Variants in EBF1 observed in about 807,000 individuals in gnomAD.
EBF1 encodes transcription factor COE1.
In EBF1, 10 loss-of-function variants were observed where a neutral mutation model predicts 68.4. The observed-to-expected ratio is 0.15, with a 90% confidence interval of 0.09 to 0.25. EBF1 has a LOEUF of 0.25. Among genes scored for constraint, EBF1 ranks in the 10% least tolerant of loss-of-function variants. The pLI, the probability that EBF1 is intolerant of heterozygous loss-of-function variation, is 1.00. For missense variants in EBF1, 509 were observed against 794.4 expected (o/e 0.64, Z 4.32); for synonymous variants, 298 against 299.8 (o/e 0.99, Z 0.06).
intron 6 of EBF1, among the ~76,000 whole-genome samples, chr5:159,065,566 AC>A (rs768030602): frequency 2.0e-5 from 3 of 152,186 alleles, no homozygotes; most frequent in African/African-American, 7.2e-5. Flanking sequence ...TCCTACCCAC[AC>A]ATGGTATCAA....
chr5:158,827,627 G>A (rs1786474850), intron 7 of EBF1, among the ~76,000 whole-genome samples: 1 of 152,128 alleles, frequency 6.6e-6, no homozygotes, highest in East Asian at 1.9e-4. Context: ...ATGTCAGGCA[G>A]GAGACCTTGT....
intron 6 of EBF1, among the ~76,000 whole-genome samples, chr5:158,869,908 G>A (rs1796586869): frequency 6.6e-6 from 1 of 152,110 alleles, no homozygotes; most frequent in Admixed American, 6.6e-5. Context: ...CTGCTGTTTT[G>A]TTTTGGGGAC....
chr5:158,847,273 G>T (rs1413009862), intron 6 of EBF1, among the ~76,000 whole-genome samples: 5 of 152,136 alleles, frequency 3.3e-5, no homozygotes, highest in Admixed American at 2.0e-4. Context: ...GCCAATGAAA[G>T]AATTTAAAAA....
At chr5:158,721,788 C>CA (rs1761983904) in intron 11 of EBF1, among the ~76,000 whole-genome samples, 6 of 152,234 alleles carry the variant, frequency 3.9e-5, no homozygotes, top group African/African-American at 1.4e-4. Context: ...ATAAAAGAAA[C>CA]ATTACAGCTT....
chr5:158,967,662 G>A (rs1246933930), intron 6 of EBF1, among the ~76,000 whole-genome samples: 4 of 152,180 alleles, frequency 2.6e-5, no homozygotes, highest in Admixed American at 1.3e-4. Context: ...AAAGAACTGC[G>A]TGAGGTGGTT....
intron 11 of EBF1, among the ~76,000 whole-genome samples, chr5:158,726,331 A>C (rs1408921608): frequency 6.6e-6 from 1 of 152,194 alleles, no homozygotes; most frequent in Non-Finnish European, 1.5e-5. Context: ...TAAAAGATGA[A>C]TATAAATGCA....
intron 6 of EBF1, among the ~76,000 whole-genome samples, chr5:158,994,737 T>C (rs1275188420): frequency 2.6e-5 from 4 of 152,194 alleles, no homozygotes; most frequent in African/African-American, 9.6e-5. Flanking sequence ...ATCCCAAACA[T>C]GTCATTACAT....
At chr5:159,082,292 T>C (rs1242087283) in intron 5 of EBF1, among the ~76,000 whole-genome samples, 2 of 152,210 alleles carry the variant, frequency 1.3e-5, no homozygotes, top group Non-Finnish European at 2.9e-5. Context: ...TTAGCTTTGA[T>C]AGAAAGCACT....
At chr5:158,720,060 C>G (rs1761606364) in intron 11 of EBF1, among the ~76,000 whole-genome samples, 1 of 152,084 alleles carries the variant, frequency 6.6e-6, no homozygotes, top group South Asian at 2.1e-4. Context: ...TCAGGGGATT[C>G]AAAATATAGT....
chr5:158,743,247 T>C (rs1766820070), intron 10 of EBF1, among the ~76,000 whole-genome samples: 1 of 152,154 alleles, frequency 6.6e-6, no homozygotes, highest in Non-Finnish European at 1.5e-5. Context: ...TATGGAAAGA[T>C]AAATAGGATT....
At chr5:158,865,324 C>T (rs1444782818) in intron 6 of EBF1, among the ~76,000 whole-genome samples, 1 of 152,160 alleles carries the variant, frequency 6.6e-6, no homozygotes, top group Non-Finnish European at 1.5e-5. Context: ...TAAAAAGGTT[C>T]CAGTCTGGGC....
intron 7 of EBF1, among the ~76,000 whole-genome samples, chr5:158,825,670 C>A (rs1196245643): frequency 1.3e-5 from 2 of 151,792 alleles, no homozygotes; most frequent in African/African-American, 4.8e-5. Context: ...CTTTTCTTGG[C>A]AAGAGAAGAA....
intron 6 of EBF1, among the ~76,000 whole-genome samples, chr5:158,920,811 T>C (rs1358205726): frequency 1.3e-5 from 2 of 152,264 alleles, no homozygotes; most frequent in South Asian, 2.1e-4. Flanking sequence ...CCCTTTTCCT[T>C]TTAGTGCAGG....
chr5:158,780,756 AAAGATT>A (rs1318506655), intron 9 of EBF1, among the ~76,000 whole-genome samples: 1 of 152,182 alleles, frequency 6.6e-6, no homozygotes, highest in Admixed American at 6.6e-5. Flanking sequence ...GGAATAAAAC[AAAGATT>A]AAAAGAGAAA....
At chr5:159,004,277 CAA>C (rs34981790) in intron 6 of EBF1, among the ~76,000 whole-genome samples, 165 of 120,588 alleles carry the variant, frequency 1.4e-3, no homozygotes, top group South Asian at 1.9e-3. Context: ...ACTCCATCTC[CAA>C]AAAAAAAAAA....
intron 6 of EBF1, among the ~76,000 whole-genome samples, chr5:158,987,513 G>A (rs1340089061): frequency 6.6e-6 from 1 of 152,134 alleles, no homozygotes; most frequent in Non-Finnish European, 1.5e-5. Flanking sequence ...GGCAGGGCAG[G>A]GATTACCTTG....
At chr5:158,892,160 C>T (rs1801300797) in intron 6 of EBF1, among the ~76,000 whole-genome samples, 2 of 152,102 alleles carry the variant, frequency 1.3e-5, no homozygotes, top group Admixed American at 1.3e-4. Context: ...ATATTTTACT[C>T]TTCCACCGTT....
At chr5:158,808,891 C>G (rs1782085642) in intron 8 of EBF1, among the ~76,000 whole-genome samples, 1 of 152,178 alleles carries the variant, frequency 6.6e-6, no homozygotes, top group African/African-American at 2.4e-5. Context: ...ATCACCCAAA[C>G]AGTTACTTGC....
chr5:159,065,902 G>A lies in EBF1; in HGVS notation c.554+7494C>T, dbSNP rs144762375. Among the ~76,000 whole-genome samples, 498 of 152,164 alleles carry A rather than the reference G, an allele frequency of 3.3e-3. 2 individuals carry two copies. The highest frequency in any genetic ancestry group is 6.8e-3 in the Middle Eastern group (2 of 294). ...ATGGCCCTTCACTCTGTAGCTTATC[G>A]GGCCTCTGTCAGTCCTTTTTCCCCC... On this transcript the variant is annotated intron_variant, in intron 6 of 15. Transcript: ENST00000313708.
Sources: allele counts gnomAD v4.1 joint callset (sites outside exome capture counted in the v4.1 genomes callset), GRCh38; gene constraint gnomAD v4.1.1; transcripts MANE v1.5; gene names NCBI Gene and HGNC (gene_info 2026-07-23, HGNC 2026-07-21).